Variants in ANKRD42 observed in about 807,000 individuals in gnomAD.
The protein encoded by ANKRD42 is ankyrin repeat domain-containing protein 42.
ANKRD42 carries 43 observed loss-of-function variants against 51.5 expected under a neutral mutation model. The observed-to-expected ratio is 0.83, with a 90% confidence interval of 0.65 to 1.08. ANKRD42 has a LOEUF of 1.08. Among genes scored for constraint, ANKRD42 ranks in the 50% least tolerant of loss-of-function variants. The pLI, the probability that ANKRD42 is intolerant of heterozygous loss-of-function variation, is 0.00. For missense variants in ANKRD42, 608 were observed against 629.3 expected, an observed-to-expected ratio of 0.97 and a Z score of 0.36; for synonymous variants, 203 against 213.0, an observed-to-expected ratio of 0.95 and a Z score of 0.41.
intron 8 of ANKRD42, among the ~76,000 whole-genome samples, chr11:83,239,368 A>G (rs561966846): frequency 6.2e-4 from 95 of 152,038 alleles, no homozygotes; most frequent in Non-Finnish European, 1.2e-3. Context: ...TACCGGTTGT[A>G]TCTCGTTTTT....
chr11:83,244,710 A>G (rs190014694), intron 9 of ANKRD42, among the ~76,000 whole-genome samples: 32 of 152,320 alleles, frequency 2.1e-4, no homozygotes, highest in African/African-American at 6.7e-4. Context: ...CATAGTTCTA[A>G]TAGTTGGAGA....
Position 83,240,744 on chromosome 11 carries a change from G to T in ANKRD42, c.1020-15G>T, listed in dbSNP as rs911226155. On this transcript the variant is annotated splice_polypyrimidine_tract_variant and intron_variant, in intron 8 of 10. Coordinates refer to ENST00000533342, the MANE Select transcript of ANKRD42 (RefSeq NM_001300975.2). ...AAGATTGTGGATCTGGTTAGTTATT[G>T]ATTCTTTTCTACAGGTTTGCCCATT... 11 of 1,613,126 alleles carry T rather than the reference G, an allele frequency of 6.8e-6. No homozygotes were observed. The Middle Eastern group carries it at 1.3e-3, about 197-fold the overall frequency.
At chr11:83,261,389 T>A (rs1863918577), downstream of ANKRD42, 1 of 152,214 alleles carries the variant, frequency 6.6e-6, no homozygotes, top group East Asian at 1.9e-4. Context: ...ATTTATTGTT[T>A]TAGTTCATTA....
intron 2 of ANKRD42, among the ~76,000 whole-genome samples, chr11:83,204,373 C>T (rs1359589255): frequency 6.6e-6 from 1 of 152,146 alleles, no homozygotes; most frequent in Non-Finnish European, 1.5e-5. Context: ...AGTGAATTAA[C>T]ACAGAAACAG....
Position 83,214,512 on chromosome 11 carries a change from A to G in ANKRD42, c.586+3082A>G, listed in dbSNP as rs76151202. On this transcript the variant is annotated intron_variant, in intron 5 of 10. Transcript: ENST00000533342. ...TTATTTATAACCAGGTAGAGTATTT[A>G]TAATAATATAGATGTTAAGAAAGAA... is the stretch of plus-strand genomic sequence containing the variant. 27 of 980,590 alleles carry G rather than the reference A, an allele frequency of 2.8e-5. No individual in the cohort carries two copies. The East Asian group carries it at 2.8e-3, about 103-fold the overall frequency. The allele number at this position is 980,590 out of a possible 1,614,324, so 60.7% of individuals were successfully genotyped here. A position where few individuals can be genotyped will look rare whatever the true frequency, so the allele number is the denominator to read the frequency against.
At chr11:83,223,673 GA>G (rs1341930057) in intron 5 of ANKRD42, among the ~76,000 whole-genome samples, 1 of 152,170 alleles carries the variant, frequency 6.6e-6, no homozygotes, top group East Asian at 1.9e-4. Flanking sequence ...GCAGTTAGAG[GA>G]ATCTGAAGTT....
chr11:83,214,694 T>G (rs1047048324), intron 5 of ANKRD42: 11 of 364,820 alleles, frequency 3.0e-5, no homozygotes, highest in Non-Finnish European at 3.8e-5. Context: ...GTAATTGGGG[T>G]AGCCATCCCT....
intron 7 of ANKRD42, among the ~76,000 whole-genome samples, chr11:83,228,843 TCTCA>T (rs779698153): frequency 1.1e-4 from 17 of 152,132 alleles, no homozygotes; most frequent in Admixed American, 2.0e-4. Flanking sequence ...ATTTGGAGTA[TCTCA>T]CTCCATCCAT....
At chr11:83,256,272 T>A (rs1327263482), downstream of ANKRD42, among the ~76,000 whole-genome samples, 1 of 152,188 alleles carries the variant, frequency 6.6e-6, no homozygotes, top group East Asian at 1.9e-4. Context: ...TATTAAAAAT[T>A]CAATTATGGT....
At chr11:83,212,821 A>G in intron 5 of ANKRD42, 1 of 1,455,982 alleles carries the variant, frequency 6.9e-7, no homozygotes, top group Non-Finnish European at 9.1e-7. Context: ...CATTTAGTGA[A>G]GTCTTTTGGT....
chr11:83,207,864 A>G (rs751459178), intron 3 of ANKRD42, among the ~76,000 whole-genome samples: 1 of 152,166 alleles, frequency 6.6e-6, no homozygotes, highest in Non-Finnish European at 1.5e-5. Context: ...CTGAGTATAG[A>G]TTATTTGTGG....
At chr11:83,262,048 T>C (rs1177348677), downstream of ANKRD42, 2 of 956,092 alleles carry the variant, frequency 2.1e-6, no homozygotes, top group Admixed American at 5.1e-5. Context: ...TATCTTTAAG[T>C]GAAGAGCAAA....
At chr11:83,240,677 T>TA in intron 8 of ANKRD42, 82 bp from the exon 9 acceptor site, 2 of 1,493,530 alleles carry the variant, frequency 1.3e-6, no homozygotes, top group South Asian at 1.2e-5. Flanking sequence ...GTACAGAGTG[T>TA]AATCCCCTAA....
intron 5 of ANKRD42, among the ~76,000 whole-genome samples, chr11:83,223,790 C>A (rs1168347075): frequency 6.6e-6 from 1 of 152,096 alleles, no homozygotes; most frequent in African/African-American, 2.4e-5. Flanking sequence ...CTTGTTTCAC[C>A]TGAATTATAC....
At chr11:83,225,885 A>C (rs188085765) in intron 6 of ANKRD42, among the ~76,000 whole-genome samples, 40 of 150,234 alleles carry the variant, frequency 2.7e-4, no homozygotes, top group African/African-American at 8.8e-4. Flanking sequence ...AGGGTAAACT[A>C]TTATTTTAGA....
At chr11:83,208,124 A>G (rs1862150416) in intron 3 of ANKRD42, among the ~76,000 whole-genome samples, 3 of 152,166 alleles carry the variant, frequency 2.0e-5, no homozygotes, top group South Asian at 4.1e-4. Flanking sequence ...CCTGGGCCCA[A>G]GTGATCCTCC....
intron 2 of ANKRD42, among the ~76,000 whole-genome samples, chr11:83,205,479 A>G (rs541550324): frequency 2.3e-4 from 35 of 152,368 alleles, no homozygotes; most frequent in Non-Finnish European, 4.7e-4. Flanking sequence ...ACATATAAAG[A>G]CAGTAACACC....
intron 3 of ANKRD42, chr11:83,209,315 G>C: frequency 1.2e-6 from 1 of 817,746 alleles, no homozygotes; most frequent in Non-Finnish European, 2.1e-6. Flanking sequence ...ATTTTCTTGA[G>C]GCCAAAGTGG....
chr11:83,233,742 G>T (rs1022098810), intron 7 of ANKRD42, among the ~76,000 whole-genome samples: 2 of 152,164 alleles, frequency 1.3e-5, no homozygotes, highest in Non-Finnish European at 2.9e-5. Context: ...GAGTGCAGTG[G>T]TGCCATCTTG....
Sources: gnomAD v4.1 joint callset for allele counts (sites outside exome capture counted in the v4.1 genomes callset) on GRCh38, gnomAD v4.1.1 for gene constraint, MANE v1.5 for transcripts, NCBI Gene and HGNC (gene_info 2026-07-23, HGNC 2026-07-21) for gene names.